The following FLNC variants were observed in gnomAD, a reference collection of about 807,000 sequenced individuals.
The protein encoded by FLNC is filamin-C.
A neutral mutation model predicts 254.3 loss-of-function variants in FLNC; 91 were observed. The ratio of observed to expected loss-of-function variants is 0.36; its 90% CI spans 0.30 to 0.43. FLNC has a LOEUF of 0.43. Among genes scored for constraint, FLNC ranks in the 20% least tolerant of loss-of-function variants. The pLI is 1.00. For missense variants in FLNC, 2,853 were observed against 3,802.6 expected, an observed-to-expected ratio of 0.75 and a Z score of 6.57; for synonymous variants, 1,430 against 1,577.2, an observed-to-expected ratio of 0.91 and a Z score of 2.21.
Position 128,848,797 on chromosome 7 carries a change from C to T in FLNC, c.4742C>T (p.Pro1581Leu). ...TGACCTCTGCTTCTCCCTCAGGACC[C>T]CGAGGGTAAGCCCAAGAAGGCCAAC... ...EGLLTVQILD[P>L]EGKPKKANIR... Residue 1581 changes from proline to leucine, a missense_variant, in exon 28 of 48, where the codon CCC becomes CTC. This residue lies in a region of FLNC where 1,573 missense variants were observed against 1,883.5 expected (regional missense o/e 0.84). Transcript: ENST00000325888. The T allele has an allele frequency of 6.2e-7, 1 of 1,614,174 alleles. No homozygotes were observed. Among genetic ancestry groups the T allele is most frequent in the Non-Finnish European group, 8.5e-7 (1 of 1,180,026 alleles).
intron 43 of FLNC, among the ~76,000 whole-genome samples, chr7:128,855,805 T>C (rs571754895): frequency 4.6e-5 from 7 of 152,312 alleles, no homozygotes; most frequent in African/African-American, 1.7e-4. Flanking sequence ...TGTGGTGTGT[T>C]CCTTTCATTC....
rs2128936119 is a variant in FLNC at position 128,843,913 on chromosome 7, AGTAAGT to A, written c.2929+2_2929+7del. 6.2e-7 allele frequency: 1 copy of A among 1,614,052 alleles called. No individual in the cohort carries two copies. Among genetic ancestry groups the A allele is most frequent in the Non-Finnish European group, 8.5e-7 (1 of 1,179,980 alleles). Reference sequence around the variant, plus strand: ...AATCAAAGTTCAGGGCCTTAATAGCAGTAAGTGGGGCAAGAGCCACCCTGGGAGTGA... The same window carrying A: ...AATCAAAGTTCAGGGCCTTAATAGCAGGGGCAAGAGCCACCCTGGGAGTGA... On this transcript the variant is annotated splice_donor_variant and splice_donor_5th_base_variant and intron_variant, in intron 19 of 47. Transcript: ENST00000325888. LOFTEE classifies it high-confidence loss of function.
chr7:128,849,960 T>TG lies in FLNC; in HGVS notation c.5200-15dup, dbSNP rs767728237. 6.4e-7 allele frequency: 1 copy of TG among 1,565,566 alleles called. No individual in the cohort carries two copies. The highest frequency in any genetic ancestry group is 8.7e-7 in the Non-Finnish European group (1 of 1,152,284). ...GAGGCTGCCACACCCTGTGCCCCCGTGCCTTGCCTCCCCAGGCGTGTGACC... is the reference window on the plus strand; with the variant it reads ...GAGGCTGCCACACCCTGTGCCCCCGTGGCCTTGCCTCCCCAGGCGTGTGACC... On this transcript the variant is annotated splice_polypyrimidine_tract_variant and intron_variant, in intron 30 of 47. Coordinates refer to ENST00000325888, the MANE Select transcript of FLNC (RefSeq NM_001458.5).
rs772998551 is a variant in FLNC, at chr7:128,856,565, G to A, written c.7299G>A (p.Leu2433=). The A allele has an allele frequency of 8.7e-6, 14 of 1,612,936 alleles. No individual in the cohort carries two copies. The highest frequency in any genetic ancestry group is 1.1e-5 in the Non-Finnish European group (13 of 1,180,026). The change falls in exon 44 of 48, where the codon CTG becomes CTA. Residue 2433 remains leucine (L), a synonymous_variant. Coordinates refer to ENST00000325888, the MANE Select transcript of FLNC (RefSeq NM_001458.5). This position sits in a 1 kb window ranked among gnomAD's most constrained non-coding sequence, Gnocchi z 5.9. ...AGCCAGCGTCCTTTGCCGTGCAGCT[G>A]AACGGTGCCCGGGGCGTGATTGATG... ...VNQPASFAVQ[L]NGARGVIDAR... is the part of the protein sequence containing the mutation.
intron 36 of FLNC, 36 bp downstream of exon 36, chr7:128,852,788 G>T (rs1442030218): frequency 1.9e-6 from 3 of 1,613,428 alleles, no homozygotes; most frequent in Non-Finnish European, 2.5e-6. Flanking sequence ...TCAGGGGTGG[G>T]GGCCCACAGG....
chr7:128,857,257 C>T lies in FLNC; in HGVS notation c.7701C>T (p.Ala2567=), dbSNP rs746177972. Residue 2567 remains alanine, a synonymous_variant, in exon 46 of 48, where the codon GCC becomes GCT. Transcript: ENST00000325888. This position sits in a 1 kb window ranked among gnomAD's most constrained non-coding sequence, Gnocchi z 4.5. ...ATGTGGTCACTTATACTCCCATGGC[C>T]CCTGGCAACTACCTCATTGCCATCA... ...EGHVVTYTPM[A]PGNYLIAIKY... 6.2e-7 allele frequency: 1 copy of T among 1,614,056 alleles called. No individual in the cohort carries two copies. The highest frequency in any genetic ancestry group is 8.5e-7 in the Non-Finnish European group (1 of 1,179,956).
In FLNC at chr7:128,842,372, C is replaced by T. The variant is rs990718751; in HGVS notation, c.2263C>T (p.Arg755Trp). Residue 755 changes from arginine to tryptophan, a missense_variant and splice_region_variant, in exon 14 of 48, where the codon CGG becomes TGG. Arg to Trp is a moderately radical substitution (Grantham distance 101). Around this residue, in one of 10 missense-constraint regions of FLNC, gnomAD observed 1,573 missense variants for 1,883.5 expected, o/e 0.84. Coordinates refer to ENST00000325888, the MANE Select transcript of FLNC (RefSeq NM_001458.5). The surrounding 1 kb of genome is among the most constrained non-coding windows in gnomAD (Gnocchi z 5.4). ...CGTAAACGTGCCCAAGAGCCCCTTCCGGGTGCGTCCTCCCGGCCTGCCCCG... is the reference window on the plus strand; with the variant it reads ...CGTAAACGTGCCCAAGAGCCCCTTCTGGGTGCGTCCTCCCGGCCTGCCCCG... ...GGVNVPKSPF[R>W]VNVGEGSHPE... 4.3e-6 allele frequency: 7 copies of T among 1,613,270 alleles called. No homozygotes were observed. Among genetic ancestry groups the T allele is most frequent in the African/African-American group, 1.3e-5 (1 of 74,934 alleles).
In FLNC at chr7:128,851,235, G is replaced by C; in HGVS notation, c.5543G>C (p.Ser1848Thr). The C allele has an allele frequency of 6.2e-7, 1 of 1,614,018 alleles. No individual in the cohort carries two copies. Among genetic ancestry groups the C allele is most frequent in the Non-Finnish European group, 8.5e-7 (1 of 1,180,014 alleles). ...IKYDGNHIPGSPLQFYVDAIN... is the reference protein window; with the variant it reads ...IKYDGNHIPGTPLQFYVDAIN... ...CCCTTTTTCTCTGTATCCCCAGGGA[G>C]CCCCTTACAGTTCTATGTGGATGCC... Residue 1848 changes from serine (S) to threonine (T), a missense_variant, in exon 34 of 48, where the codon AGC (serine) becomes ACC (threonine). Transcript: ENST00000325888.
In FLNC at chr7:128,836,558, C is replaced by A. The variant is rs1808100686; in HGVS notation, c.602-602C>A. Among the ~76,000 whole-genome samples, 1 of 152,200 alleles carries A rather than the reference C, an allele frequency of 6.6e-6. No individual in the cohort carries two copies. The highest frequency in any genetic ancestry group is 2.1e-4 in the South Asian group (1 of 4,828). On this transcript the variant is annotated intron_variant, in intron 2 of 47. Coordinates refer to ENST00000325888, the MANE Select transcript of FLNC (RefSeq NM_001458.5). The surrounding 1 kb of genome is among the most constrained non-coding windows in gnomAD (Gnocchi z 6.0). ...TAGGAGTGATCTGGGGCTGCCTCAGCGTCCTTCCTGTTAGGAAGGCAGGGC... is the reference window on the plus strand; with the variant it reads ...TAGGAGTGATCTGGGGCTGCCTCAGAGTCCTTCCTGTTAGGAAGGCAGGGC...
intron 10 of FLNC, 65 bp downstream of exon 10, chr7:128,840,739 G>A: frequency 6.2e-7 from 1 of 1,613,888 alleles, no homozygotes; most frequent in Non-Finnish European, 8.5e-7. Flanking sequence ...GAGGGGCACT[G>A]GGCTGCGAGG....
At position 128,842,694 on chromosome 7, in the gene FLNC, G is replaced by T. The variant is rs758439866; in HGVS notation, c.2385G>T (p.Gly795=). 3 of 1,552,964 alleles carry T rather than the reference G, an allele frequency of 1.9e-6. No homozygotes were observed. The Admixed American group carries it at 5.8e-5, about 30-fold the overall frequency. ...TCACGGTGGACTGCAGCGAGGCGGG[G>T]CAAGGTGCGCCCAGCCGGAAGGGGT... is the stretch of plus-strand genomic sequence containing the variant. The part of the protein sequence containing the change: ...TYFTVDCSEA[G]QGDVSIGIKC... Residue 795 remains glycine, a synonymous_variant, in exon 15 of 48, where the codon GGG becomes GGT. Coordinates refer to ENST00000325888, the MANE Select transcript of FLNC (RefSeq NM_001458.5). The surrounding 1 kb of genome is among the most constrained non-coding windows in gnomAD (Gnocchi z 5.4).
At position 128,846,352 on chromosome 7, in the gene FLNC, C is replaced by T. The variant is rs1808566825; in HGVS notation, c.4016C>T (p.Pro1339Leu). Reference sequence around the variant, plus strand: ...GATGAGGTCGCTGTGCCCAAGAGCCCCTTCCGAGTGGGCGTGACCGAGGGC... The same window carrying T: ...GATGAGGTCGCTGTGCCCAAGAGCCTCTTCCGAGTGGGCGTGACCGAGGGC... ...LYDEVAVPKSPFRVGVTEGCD... is the reference protein window; with the variant it reads ...LYDEVAVPKSLFRVGVTEGCD... The change falls in exon 23 of 48, where the codon CCC (proline) becomes CTC (leucine). Residue 1339 changes from proline to leucine, a missense_variant. Pro to Leu is a moderately conservative substitution (Grantham distance 98). Coordinates refer to ENST00000325888, the MANE Select transcript of FLNC (RefSeq NM_001458.5). 2.5e-6 allele frequency: 4 copies of T among 1,613,650 alleles called. No individual in the cohort carries two copies. In the East Asian group the frequency reaches 6.7e-5, roughly 27 times the overall value.
intron 8 of FLNC, among the ~76,000 whole-genome samples, chr7:128,839,246 C>T (rs562254457): frequency 6.6e-6 from 1 of 152,226 alleles, no homozygotes; most frequent in Non-Finnish European, 1.5e-5. Context: ...AATCGCCCCC[C>T]CTTCCTTGGC....
Position 128,843,269 on chromosome 7 carries a change from C to T in FLNC, c.2591C>T (p.Ser864Phe). The change falls in exon 17 of 48, where the codon TCC becomes TTC. Residue 864 changes from serine (S) to phenylalanine (F), a missense_variant. By Grantham distance (155) the Ser-to-Phe change is radical (BLOSUM62 -2). Around this residue, in one of 10 missense-constraint regions of FLNC, gnomAD observed 1,573 missense variants for 1,883.5 expected, o/e 0.84. Transcript: ENST00000325888. ...CCCTTCCACATCAAGGTGGACCCAT[C>T]CCACGATGCCAGCAAAGTCAAGGCC... Reference protein sequence around the residue: ...ASPFHIKVDPSHDASKVKAEG... With the variant: ...ASPFHIKVDPFHDASKVKAEG... 1 of 1,610,916 alleles carries T rather than the reference C, an allele frequency of 6.2e-7. No individual in the cohort carries two copies. The highest frequency in any genetic ancestry group is 8.5e-7 in the Non-Finnish European group (1 of 1,178,548).
chr7:128,838,556 C>T (rs1464722021), intron 7 of FLNC, 47 bp from the exon 8 acceptor site: 6 of 1,609,208 alleles, frequency 3.7e-6, no homozygotes, highest in Non-Finnish European at 5.1e-6. Context: ...GGCACCGGGG[C>T]AGCTGTGTGT....
chr7:128,843,402 C>T lies in FLNC; in HGVS notation c.2642-6C>T, dbSNP rs1220686943. On this transcript the variant is annotated splice_region_variant and splice_polypyrimidine_tract_variant and intron_variant, in intron 17 of 47. Coordinates refer to ENST00000325888, the MANE Select transcript of FLNC (RefSeq NM_001458.5). The stretch of plus-strand genomic sequence containing the variant: ...GCCCTCACCACATCTCTGGGTGGGT[C>T]CTCAGGTGTGGAAGTCGGGAAGCCC... The T allele has an allele frequency of 1.2e-6, 2 of 1,613,994 alleles. No individual in the cohort carries two copies. Among genetic ancestry groups the T allele is most frequent in the Admixed American group, 3.3e-5 (2 of 60,020 alleles).
Position 128,843,895 on chromosome 7 carries a change from G to A in FLNC, c.2911G>A (p.Val971Ile), listed in dbSNP as rs548199973. Residue 971 changes from valine (V) to isoleucine (I), a missense_variant, in exon 19 of 48, where the codon GTT becomes ATT. By Grantham distance (29) the Val-to-Ile change is conservative. This residue lies in a region of FLNC where 1,573 missense variants were observed against 1,883.5 expected (regional missense o/e 0.84). Coordinates refer to ENST00000325888, the MANE Select transcript of FLNC (RefSeq NM_001458.5). ...CCCGCTGGACCTCAGCAAAATCAAAGTTCAGGGCCTTAATAGCAGTAAGTG... is the reference window on the plus strand; with the variant it reads ...CCCGCTGGACCTCAGCAAAATCAAAATTCAGGGCCTTAATAGCAGTAAGTG... ...APPLDLSKIK[V>I]QGLNSKVAVG... is the part of the protein sequence containing the mutation. 5.0e-6 allele frequency: 8 copies of A among 1,614,148 alleles called. No individual in the cohort carries two copies. In the African/African-American group the frequency reaches 1.1e-4, roughly 22 times the overall value.
At chr7:128,837,348 G>T in intron 3 of FLNC, 50 bp from the exon 4 acceptor site, 50 of 1,613,342 alleles carry the variant, frequency 3.1e-5, no homozygotes, top group Non-Finnish European at 4.2e-5. Context: ...GGGAGACTGG[G>T]GCTGCTGGGA....
chr7:128,856,546 C>G lies in FLNC; in HGVS notation c.7280C>G (p.Ala2427Gly). ...ACGGGGCTCAAGGTGAACCAGCCAG[C>G]GTCCTTTGCCGTGCAGCTGAACGGT... Reference protein sequence around the residue: ...QETGLKVNQPASFAVQLNGAR... With the variant: ...QETGLKVNQPGSFAVQLNGAR... The change falls in exon 44 of 48, where the codon GCG becomes GGG. Residue 2427 changes from alanine (A) to glycine (G), a missense_variant. This residue lies in a region of FLNC where 551 missense variants were observed against 835.0 expected (regional missense o/e 0.66). Transcript: ENST00000325888. This position sits in a 1 kb window ranked among gnomAD's most constrained non-coding sequence, Gnocchi z 5.9. 6.2e-7 allele frequency: 1 copy of G among 1,612,796 alleles called. No homozygotes were observed. Among genetic ancestry groups the G allele is most frequent in the Non-Finnish European group, 8.5e-7 (1 of 1,179,996 alleles).
Sources: allele counts gnomAD v4.1 joint callset (sites outside exome capture counted in the v4.1 genomes callset), GRCh38; gene constraint gnomAD v4.1.1; regional missense constraint gnomAD v4.1.1; non-coding constraint Gnocchi (gnomAD v3.1); transcripts MANE v1.5; gene names NCBI Gene and HGNC (gene_info 2026-07-23, HGNC 2026-07-21).